SLAIN2: variants seen among roughly 807,000 people sequenced by gnomAD.
SLAIN2 encodes SLAIN family member 2, also known as SLAIN motif-containing protein 2.
Under a neutral mutation model 56.6 loss-of-function variants are expected in SLAIN2, and 31 were observed. The observed-to-expected ratio is 0.55, with a 90% CI of 0.41 to 0.74. SLAIN2 has a LOEUF of 0.74. Ranked by LOEUF, SLAIN2 falls within the 30% of genes least tolerant of loss-of-function variation. The pLI is 0.00. For missense variants in SLAIN2, 777 were observed against 754.2 expected, an observed-to-expected ratio of 1.03 and a Z score of -0.35; for synonymous variants, 317 against 284.9, an observed-to-expected ratio of 1.11 and a Z score of -1.13.
At chr4:48,393,991 G>A (rs2353854) in intron 6 of SLAIN2, among the ~76,000 whole-genome samples, 116,936 of 152,058 alleles carry the variant, frequency 0.77, 45,788 homozygotes, top group African/African-American at 0.92. Flanking sequence ...ACTTGCATAC[G>A]TATGTGCACA....
At chr4:48,417,997 G>T (rs1717041258) in intron 6 of SLAIN2, among the ~76,000 whole-genome samples, 3 of 152,176 alleles carry the variant, frequency 2.0e-5, no homozygotes, top group South Asian at 2.1e-4. Flanking sequence ...AGAAGTGTGT[G>T]TGTGTGTAGA....
intron 6 of SLAIN2, among the ~76,000 whole-genome samples, chr4:48,400,745 TAAA>T (rs967787719): frequency 6.6e-6 from 1 of 151,178 alleles, no homozygotes; most frequent in South Asian, 2.1e-4. Context: ...TTTTATTAAT[TAAA>T]AAAAAAGCTT....
chr4:48,368,355 C>T (rs1715581012), intron 1 of SLAIN2, among the ~76,000 whole-genome samples: 1 of 152,054 alleles, frequency 6.6e-6, no homozygotes, highest in African/African-American at 2.4e-5. Flanking sequence ...GCCACTGCAC[C>T]CGGCCCTGCT....
chr4:48,360,059 C>T (rs1358311841), intron 1 of SLAIN2, among the ~76,000 whole-genome samples: 2 of 151,500 alleles, frequency 1.3e-5, no homozygotes, highest in Admixed American at 1.3e-4. Flanking sequence ...GAGGCTGAGG[C>T]AGGAGAATCG....
At chr4:48,376,658 G>A (rs1342207265) in intron 2 of SLAIN2, among the ~76,000 whole-genome samples, 1 of 112,128 alleles carries the variant, frequency 8.9e-6, no homozygotes, top group Admixed American at 1.3e-4. Flanking sequence ...GTCTCGCTCT[G>A]TCACCCAGGC....
At chr4:48,386,485 A>G (rs1280125854) in intron 6 of SLAIN2, among the ~76,000 whole-genome samples, 1 of 152,254 alleles carries the variant, frequency 6.6e-6, no homozygotes, top group Non-Finnish European at 1.5e-5. Context: ...TTATCCAGAA[A>G]TATAATTTCC....
chr4:48,376,922 T>TC (rs1476315398), intron 2 of SLAIN2, among the ~76,000 whole-genome samples: 2 of 150,602 alleles, frequency 1.3e-5, no homozygotes, highest in South Asian at 2.1e-4. Flanking sequence ...ACTTTTTTTT[T>TC]TTTTTTTTTT....
rs1458434464 is a variant in SLAIN2 at position 48,424,582 on chromosome 4, A to G, written c.*2505A>G. On this transcript the variant is annotated 3_prime_UTR_variant, in exon 8 of 8. Coordinates refer to ENST00000264313, the MANE Select transcript of SLAIN2 (RefSeq NM_020846.2). ...AAGTGTAAAGAATTGGAAAAAATATAAATATTCTTAACTCAAGCATTTGCT... is the reference window on the plus strand; with the variant it reads ...AAGTGTAAAGAATTGGAAAAAATATGAATATTCTTAACTCAAGCATTTGCT... 6.6e-6 allele frequency: 1 copy of G among 152,122 alleles called. No homozygotes were observed. Among genetic ancestry groups the G allele is most frequent in the African/African-American group, 2.4e-5 (1 of 41,438 alleles). The allele number at this position is 152,122 out of a possible 1,614,324, so 9.4% of individuals were successfully genotyped here.
chr4:48,402,362 T>G (rs1716577337), intron 6 of SLAIN2, among the ~76,000 whole-genome samples: 1 of 152,236 alleles, frequency 6.6e-6, no homozygotes, highest in African/African-American at 2.4e-5. Flanking sequence ...GATGATATCC[T>G]GAAGTATGCA....
At chr4:48,359,522 C>T (rs1275893889) in intron 1 of SLAIN2, among the ~76,000 whole-genome samples, 1 of 152,140 alleles carries the variant, frequency 6.6e-6, no homozygotes, top group African/African-American at 2.4e-5. Flanking sequence ...CTTCCTCTCC[C>T]CATTATTTAC....
At chr4:48,342,540 T>TATC (rs1342367280) in intron 1 of SLAIN2, among the ~76,000 whole-genome samples, 2 of 151,886 alleles carry the variant, frequency 1.3e-5, no homozygotes, top group African/African-American at 4.8e-5. Context: ...CTTGATGAGG[T>TATC]ATCACCAGGT....
chr4:48,382,737 A>T lies in SLAIN2; in HGVS notation c.1032A>T (p.Pro344=). ...ACCCTGCTGTTAACAGGTTTTCACCATCACCACGCAATTCACCTCGACCGT... is the reference window on the plus strand; with the variant it reads ...ACCCTGCTGTTAACAGGTTTTCACCTTCACCACGCAATTCACCTCGACCGT... ...AVYPAVNRFS[P]SPRNSPRPSP... is the part of the protein sequence containing the mutation. Residue 344 remains proline, a synonymous_variant, in exon 5 of 8, where the codon CCA becomes CCT. Transcript: ENST00000264313. The T allele has an allele frequency of 6.2e-7, 1 of 1,613,810 alleles. No homozygotes were observed. The highest frequency in any genetic ancestry group is 8.5e-7 in the Non-Finnish European group (1 of 1,179,864).
At chr4:48,421,862 A>G in intron 7 of SLAIN2, 149 bp from the exon 8 acceptor site, 1 of 604,134 alleles carries the variant, frequency 1.7e-6, no homozygotes, top group East Asian at 2.9e-5. Context: ...GGGAGGTTGT[A>G]CTAGTACCTG....
intron 2 of SLAIN2, among the ~76,000 whole-genome samples, chr4:48,371,506 G>C (rs1246387155): frequency 6.6e-6 from 1 of 152,160 alleles, no homozygotes; most frequent in Admixed American, 6.5e-5. Flanking sequence ...TTAGAAATAT[G>C]TAGACAAGCT....
chr4:48,411,944 G>T (rs553142221), intron 6 of SLAIN2, among the ~76,000 whole-genome samples: 8 of 152,082 alleles, frequency 5.3e-5, no homozygotes, highest in Admixed American at 2.0e-4. Context: ...TGGTTTTATT[G>T]TAGCTATTGT....
chr4:48,407,590 A>T (rs1214159641), intron 6 of SLAIN2, among the ~76,000 whole-genome samples: 3 of 152,040 alleles, frequency 2.0e-5, no homozygotes, highest in Non-Finnish European at 4.4e-5. Context: ...TTTTCTAAAC[A>T]CTTAGCTTGA....
chr4:48,371,971 T>TACAC (rs35354568), intron 2 of SLAIN2, among the ~76,000 whole-genome samples: 14 of 148,096 alleles, frequency 9.5e-5, no homozygotes, highest in Non-Finnish European at 1.6e-4. Context: ...AAAAAGTATA[T>TACAC]ACACACACAC....
chr4:48,353,469 A>T (rs1715065200), intron 1 of SLAIN2, among the ~76,000 whole-genome samples: 1 of 151,664 alleles, frequency 6.6e-6, no homozygotes, highest in African/African-American at 2.4e-5. Flanking sequence ...AGGTTAGATT[A>T]AAAAAAAGGA....
chr4:48,396,085 A>C (rs1716378712), intron 6 of SLAIN2, among the ~76,000 whole-genome samples: 1 of 152,144 alleles, frequency 6.6e-6, no homozygotes, highest in Non-Finnish European at 1.5e-5. Flanking sequence ...TGATCAGGTT[A>C]AGAAAACCAT....
Sources: gnomAD v4.1 joint callset for allele counts (sites outside exome capture counted in the v4.1 genomes callset) on GRCh38, gnomAD v4.1.1 for gene constraint, MANE v1.5 for transcripts, NCBI Gene and HGNC (gene_info 2026-07-23, HGNC 2026-07-21) for gene names.